Variants in TXLNB observed in about 807,000 individuals in gnomAD.
TXLNB encodes taxilin beta, also known as beta-taxilin.
TXLNB carries 37 observed loss-of-function variants against 57.4 expected under a neutral mutation model. The observed-to-expected ratio is 0.64, with a 90% CI of 0.50 to 0.85. The LOEUF is 0.85. Ranked by LOEUF, TXLNB falls within the 40% of genes least tolerant of loss-of-function variation. The probability of loss-of-function intolerance (pLI) is 0.00; values close to 1 mark genes in which losing one functional copy is unlikely to be tolerated. For synonymous variants in TXLNB, 302 were observed against 309.6 expected (o/e 0.98, Z 0.26); for missense variants, 848 against 825.6 (o/e 1.03, Z -0.33).
the TXLNB span, among the ~76,000 whole-genome samples, chr6:139,312,937 C>T: frequency 6.6e-6 from 1 of 152,184 alleles, no homozygotes; most frequent in Non-Finnish European, 1.5e-5. Flanking sequence ...AATAACTTGC[C>T]TCTCGCACAC....
chr6:139,290,966 C>T (rs533643838), intron 1 of TXLNB, among the ~76,000 whole-genome samples: 1 of 152,354 alleles, frequency 6.6e-6, no homozygotes, highest in South Asian at 2.1e-4. Context: ...GTGATGCTCA[C>T]CAAACACTCA....
the TXLNB span, among the ~76,000 whole-genome samples, chr6:139,310,723 C>T: frequency 6.6e-6 from 1 of 152,098 alleles, no homozygotes; most frequent in African/African-American, 2.4e-5. Flanking sequence ...AGACAAGAGT[C>T]TCACTCTGTC....
At chr6:139,266,230 A>G (rs1463870314) in intron 4 of TXLNB, among the ~76,000 whole-genome samples, 2 of 152,232 alleles carry the variant, frequency 1.3e-5, no homozygotes, top group African/African-American at 4.8e-5. Flanking sequence ...AATATGGCCT[A>G]TTCTCAAAAG....
chr6:139,214,764 G>C, the TXLNB span, among the ~76,000 whole-genome samples: 1 of 152,186 alleles, frequency 6.6e-6, no homozygotes, highest in African/African-American at 2.4e-5. Flanking sequence ...AAGCTGATAA[G>C]CAACTTCAGC....
the TXLNB span, among the ~76,000 whole-genome samples, chr6:139,172,123 G>T: frequency 6.6e-6 from 1 of 151,978 alleles, no homozygotes; most frequent in Non-Finnish European, 1.5e-5. Context: ...GAGCCACTGC[G>T]CCCAGCCCTA....
chr6:139,181,495 G>T, the TXLNB span, among the ~76,000 whole-genome samples: 9 of 152,318 alleles, frequency 5.9e-5, no homozygotes, highest in East Asian at 1.5e-3. Flanking sequence ...GAGGCTGCTA[G>T]ATGAGTCCCG....
At chr6:139,267,924 G>A (rs1026316366) in intron 4 of TXLNB, among the ~76,000 whole-genome samples, 12 of 151,990 alleles carry the variant, frequency 7.9e-5, no homozygotes, top group East Asian at 1.9e-4. Context: ...AGGCCGAGGC[G>A]GGTAGATCAC....
chr6:139,228,756 T>G, the TXLNB span, among the ~76,000 whole-genome samples: 1 of 152,146 alleles, frequency 6.6e-6, no homozygotes, highest in Non-Finnish European at 1.5e-5. Context: ...GCGAGCACAC[T>G]GGATCGGAGT....
chr6:139,211,659 G>T, the TXLNB span, among the ~76,000 whole-genome samples: 1 of 152,166 alleles, frequency 6.6e-6, no homozygotes, highest in Non-Finnish European at 1.5e-5. Context: ...AGAGAGGAAG[G>T]CTTCAGAAGA....
the TXLNB span, among the ~76,000 whole-genome samples, chr6:139,321,681 G>C: frequency 2.2e-4 from 32 of 143,328 alleles, no homozygotes; most frequent in Non-Finnish European, 4.3e-4. Context: ...GCCCAGGCTG[G>C]AGTGCAGTGG....
chr6:139,161,667 A>C, the TXLNB span, among the ~76,000 whole-genome samples: 1 of 152,250 alleles, frequency 6.6e-6, no homozygotes, highest in Non-Finnish European at 1.5e-5. Flanking sequence ...TTTTCAAAGA[A>C]ATATCAAGTC....
downstream of TXLNB, chr6:139,240,014 AAAAT>A (rs1236312251): frequency 6.8e-6 from 1 of 146,078 alleles, no homozygotes; most frequent in African/African-American, 2.8e-5. Context: ...AATAAAAACA[AAAAT>A]AAAATAAGTC....
chr6:139,305,446 T>C, the TXLNB span, among the ~76,000 whole-genome samples: 1 of 152,334 alleles, frequency 6.6e-6, no homozygotes, highest in South Asian at 2.1e-4. Context: ...AACAATTTTT[T>C]TTTGGTATTT....
chr6:139,259,086 A>G (rs748666137), intron 6 of TXLNB, among the ~76,000 whole-genome samples: 2 of 152,094 alleles, frequency 1.3e-5, no homozygotes, highest in Non-Finnish European at 2.9e-5. Context: ...ATTGAAAACA[A>G]CTTTCATCCA....
chr6:139,173,734 T>C, the TXLNB span, among the ~76,000 whole-genome samples: 184 of 152,342 alleles, frequency 1.2e-3, no homozygotes, highest in African/African-American at 4.0e-3. Flanking sequence ...CATTAAGATG[T>C]TATCAAATAA....
the TXLNB span, chr6:139,166,420 G>C: frequency 6.2e-7 from 1 of 1,614,260 alleles, no homozygotes; most frequent in Non-Finnish European, 8.5e-7. Flanking sequence ...GCTTCTACGA[G>C]TGGGAGAGCA....
intron 4 of TXLNB, among the ~76,000 whole-genome samples, chr6:139,268,760 T>C (rs1459891480): frequency 3.3e-5 from 5 of 152,168 alleles, no homozygotes; most frequent in African/African-American, 4.8e-5. Flanking sequence ...TAATACTTAA[T>C]GTCATTGTTC....
chr6:139,261,604 G>T (rs1390440806), intron 5 of TXLNB, among the ~76,000 whole-genome samples: 1 of 152,028 alleles, frequency 6.6e-6, no homozygotes, highest in Non-Finnish European at 1.5e-5. Context: ...TATAACAAAA[G>T]ACCTTGATCA....
At chr6:139,254,688 G>A (rs1281984231) in intron 7 of TXLNB, among the ~76,000 whole-genome samples, 2 of 152,180 alleles carry the variant, frequency 1.3e-5, no homozygotes, top group Non-Finnish European at 2.9e-5. Flanking sequence ...TCTAACAGAA[G>A]CACATAAAAG....
Sources: allele counts gnomAD v4.1 joint callset (sites outside exome capture counted in the v4.1 genomes callset), GRCh38; gene constraint gnomAD v4.1.1; transcripts MANE v1.5; gene names NCBI Gene and HGNC (gene_info 2026-07-23, HGNC 2026-07-21).